The following DSCAML1 variants were observed in gnomAD, a reference collection of about 807,000 sequenced individuals.
DSCAML1 encodes DS cell adhesion molecule like 1.
DSCAML1 carries 38 observed loss-of-function variants against 200.5 expected under a neutral mutation model. The ratio of observed to expected loss-of-function variants is 0.19; its 90% CI spans 0.15 to 0.25. The LOEUF is 0.25. Ranked by LOEUF, DSCAML1 falls within the 10% of genes least tolerant of loss-of-function variation. The pLI is 1.00. For synonymous variants in DSCAML1, 1,215 were observed against 1,165.0 expected (o/e 1.04, Z -0.87); for missense variants, 2,223 against 2,858.8 (o/e 0.78, Z 5.07).
intron 3 of DSCAML1, among the ~76,000 whole-genome samples, chr11:117,762,140 A>T (rs972916749): frequency 1.3e-5 from 2 of 152,208 alleles, no homozygotes; most frequent in African/African-American, 4.8e-5. Flanking sequence ...TCATCTGAAC[A>T]TAGTGATGAC....
intron 21 of DSCAML1, among the ~76,000 whole-genome samples, chr11:117,440,947 AGG>A (rs2048033817): frequency 1.5e-5 from 2 of 137,296 alleles, no homozygotes; most frequent in Admixed American, 7.2e-5. Flanking sequence ...AAAAAAAAAA[AGG>A]AGTGGTGTCC....
At chr11:117,676,193 A>G (rs1017673125) in intron 3 of DSCAML1, among the ~76,000 whole-genome samples, 2 of 152,188 alleles carry the variant, frequency 1.3e-5, no homozygotes, top group African/African-American at 4.8e-5. Context: ...AAGCAATCAT[A>G]AGAGAGGAAG....
intron 8 of DSCAML1, among the ~76,000 whole-genome samples, chr11:117,507,125 A>G (rs1393708759): frequency 6.6e-6 from 1 of 152,210 alleles, no homozygotes; most frequent in African/African-American, 2.4e-5. Flanking sequence ...TGATAACTCA[A>G]TTAGGCTGCA....
At chr11:117,531,944 G>T (rs2050086593) in intron 4 of DSCAML1, among the ~76,000 whole-genome samples, 1 of 86,096 alleles carries the variant, frequency 1.2e-5, no homozygotes, top group Non-Finnish European at 2.5e-5. Flanking sequence ...AGGGAGGAGG[G>T]AGGGAGGGAG....
chr11:117,706,244 T>G (rs997299516), intron 3 of DSCAML1, among the ~76,000 whole-genome samples: 16 of 152,212 alleles, frequency 1.1e-4, no homozygotes, highest in South Asian at 8.3e-4. Flanking sequence ...TGTCTGCTAG[T>G]GCAAGGTCTG....
intron 3 of DSCAML1, among the ~76,000 whole-genome samples, chr11:117,570,057 C>A (rs971055405): frequency 6.6e-6 from 1 of 151,972 alleles, no homozygotes; most frequent in Non-Finnish European, 1.5e-5. Flanking sequence ...GGCACGGGAG[C>A]CTTTCTGGGA....
intron 3 of DSCAML1, among the ~76,000 whole-genome samples, chr11:117,750,060 T>C (rs1565262044): frequency 6.6e-6 from 1 of 152,208 alleles, no homozygotes; most frequent in African/African-American, 2.4e-5. Context: ...TCCACGTTCT[T>C]GTTCTCGATT....
At chr11:117,641,669 C>G (rs1166151750) in intron 3 of DSCAML1, among the ~76,000 whole-genome samples, 1 of 152,142 alleles carries the variant, frequency 6.6e-6, no homozygotes, top group African/African-American at 2.4e-5. Flanking sequence ...AAGAGGGAGA[C>G]AGACTCGGGC....
At chr11:117,695,315 CTTTTTTTTTT>C (rs753748981) in intron 3 of DSCAML1, among the ~76,000 whole-genome samples, 1 of 116,700 alleles carries the variant, frequency 8.6e-6, no homozygotes, top group South Asian at 3.0e-4. Context: ...CTTTCTTTTT[CTTTTTTTTTT>C]TTTTTTTTTG....
chr11:117,475,009 C>T (rs1400552996), intron 14 of DSCAML1, among the ~76,000 whole-genome samples: 2 of 152,148 alleles, frequency 1.3e-5, no homozygotes, highest in Admixed American at 6.5e-5. Context: ...CCCACCTTGG[C>T]CTCCCAAAGT....
At chr11:117,718,769 A>G (rs2053999855) in intron 3 of DSCAML1, among the ~76,000 whole-genome samples, 1 of 147,044 alleles carries the variant, frequency 6.8e-6, no homozygotes, top group African/African-American at 2.5e-5. Flanking sequence ...CAAACACCTC[A>G]GTGAAGCAGT....
At chr11:117,492,601 C>T (rs879427993) in intron 11 of DSCAML1, among the ~76,000 whole-genome samples, 7 of 151,634 alleles carry the variant, frequency 4.6e-5, no homozygotes, top group Non-Finnish European at 1.0e-4. Context: ...CACTCCCCTT[C>T]TCCCCCAAAA....
intron 3 of DSCAML1, among the ~76,000 whole-genome samples, chr11:117,594,531 C>T (rs186106839): frequency 6.6e-6 from 1 of 152,370 alleles, no homozygotes; most frequent in East Asian, 1.9e-4. Context: ...CAGGTCTGCC[C>T]TCTGGGTGTC....
chr11:117,486,162 G>GC (rs1316392346), intron 11 of DSCAML1, among the ~76,000 whole-genome samples: 1 of 152,200 alleles, frequency 6.6e-6, no homozygotes, highest in Non-Finnish European at 1.5e-5. Flanking sequence ...CCTCGCCAGC[G>GC]CAAGTGAATG....
rs1324603941 is a variant in DSCAML1 at position 117,465,439 on chromosome 11, TCAGGGGAAA to T, written c.3025-266_3025-258del. On this transcript the variant is annotated intron_variant, in intron 16 of 32. Coordinates refer to ENST00000651296, the MANE Select transcript of DSCAML1 (RefSeq NM_020693.4). ...TGGCCTCTTTGGCCGCATCCCCATC[TCAGGGGAAA>T]CACTCCTCCCCTCTGCCGCGTCCTT... 2.0e-5 allele frequency among the ~76,000 whole-genome samples: 3 copies of T among 152,144 alleles called. No homozygotes were observed. In the South Asian group the frequency reaches 6.2e-4, roughly 31 times the overall value.
In DSCAML1 at chr11:117,587,253, A is replaced by ACCCCC. The variant is rs111247541; in HGVS notation, c.512-54736_512-54732dup. Among the ~76,000 whole-genome samples the ACCCCC allele has an allele frequency of 6.7e-4, 92 of 137,842 alleles. 1 individual carries two copies. Among genetic ancestry groups the ACCCCC allele is most frequent in the South Asian group, 3.6e-3 (14 of 3,930 alleles). The allele number at this position is 137,842 out of a possible 152,430, so 90.4% of individuals were successfully genotyped here. ...TTATGAGCTCATTCGATTCTTTCCA[A>ACCCCC]CCCCCCCCCACGATTTAGATACTAT... On this transcript the variant is annotated intron_variant, in intron 3 of 32. Transcript: ENST00000651296.
At chr11:117,522,286 A>C (rs2049899131) in intron 5 of DSCAML1, among the ~76,000 whole-genome samples, 1 of 152,170 alleles carries the variant, frequency 6.6e-6, no homozygotes, top group Middle Eastern at 3.4e-3. Flanking sequence ...TGTATAACTC[A>C]CACCACACTG....
chr11:117,776,289 A>G (rs1591497763), intron 3 of DSCAML1, among the ~76,000 whole-genome samples: 1 of 152,176 alleles, frequency 6.6e-6, no homozygotes, highest in Admixed American at 6.5e-5. Context: ...TCTTTAGCCA[A>G]CTCATTCAAG....
chr11:117,524,833 T>C lies in DSCAML1; in HGVS notation c.909A>G (p.Ala303=). ...TGACCATGAGGATGCCTGTGGCCTC[T>C]GCCGAACCGAAGGTGTTGGTGACCT... is the stretch of plus-strand genomic sequence containing the variant. The part of the protein sequence containing the change: ...ICEVTNTFGS[A]EATGILMVID... Residue 303 remains alanine (A), a synonymous_variant, in exon 5 of 33, where the codon GCA becomes GCG. Transcript: ENST00000651296. 1 of 1,589,926 alleles carries C rather than the reference T, an allele frequency of 6.3e-7. No homozygotes were observed. The highest frequency in any genetic ancestry group is 1.1e-5 in the South Asian group (1 of 87,302).
Sources: allele counts gnomAD v4.1 joint callset (sites outside exome capture counted in the v4.1 genomes callset), GRCh38; gene constraint gnomAD v4.1.1; transcripts MANE v1.5; gene names NCBI Gene and HGNC (gene_info 2026-07-23, HGNC 2026-07-21).